Variants in PGBD5 observed in about 807,000 individuals in gnomAD.
The protein encoded by PGBD5 is piggyBac transposable element-derived protein 5.
In PGBD5, 14 loss-of-function variants were observed where a neutral mutation model predicts 47.9. That is an observed-to-expected ratio of 0.29 (90% CI 0.19 to 0.46). The LOEUF (loss-of-function observed/expected upper bound fraction) is 0.46, where lower values mean the gene tolerates loss of function less well. Ranked by LOEUF, PGBD5 falls within the 20% of genes least tolerant of loss-of-function variation. The probability of loss-of-function intolerance (pLI) is 1.00; values close to 1 mark genes in which losing one functional copy is unlikely to be tolerated. For synonymous variants in PGBD5, 316 were observed against 306.3 expected (o/e 1.03, Z -0.33); for missense variants, 635 against 716.0 (o/e 0.89, Z 1.29).
intron 1 of PGBD5, among the ~76,000 whole-genome samples, chr1:230,414,234 A>AC (rs1657470275): frequency 6.6e-6 from 1 of 152,146 alleles, no homozygotes; most frequent in Non-Finnish European, 1.5e-5. Flanking sequence ...CAGAGCTGGG[A>AC]CCAGTGTCTG....
chr1:230,400,466 G>A (rs1188423972), intron 1 of PGBD5, among the ~76,000 whole-genome samples: 1 of 152,014 alleles, frequency 6.6e-6, no homozygotes, highest in Non-Finnish European at 1.5e-5. Context: ...GTGCTTCATG[G>A]AGGCCAGAAT....
intron 1 of PGBD5, among the ~76,000 whole-genome samples, chr1:230,409,300 T>C (rs1425238197): frequency 1.3e-5 from 2 of 152,212 alleles, no homozygotes; most frequent in Non-Finnish European, 2.9e-5. Flanking sequence ...AACAGCCTGG[T>C]AGTTTCTCAA....
At chr1:230,343,815 C>A (rs1558194811) in intron 3 of PGBD5, among the ~76,000 whole-genome samples, 1 of 152,240 alleles carries the variant, frequency 6.6e-6, no homozygotes, top group Non-Finnish European at 1.5e-5. Flanking sequence ...CACTTTAGTG[C>A]ACCTTCTTTA....
chr1:230,422,750 G>A (rs986669634), intron 1 of PGBD5, among the ~76,000 whole-genome samples: 2 of 152,134 alleles, frequency 1.3e-5, no homozygotes, highest in Non-Finnish European at 2.9e-5. Flanking sequence ...CAGAAGGAAA[G>A]GGCTGGGAAG....
At chr1:230,351,140 T>G in intron 2 of PGBD5, 48 bp from the exon 3 acceptor site, 2 of 1,570,008 alleles carry the variant, frequency 1.3e-6, no homozygotes, top group Non-Finnish European at 8.6e-7. Flanking sequence ...CAGCATGAGC[T>G]TGAGGGCTCA....
At chr1:230,344,469 G>T (rs762813105) in intron 3 of PGBD5, among the ~76,000 whole-genome samples, 5 of 152,220 alleles carry the variant, frequency 3.3e-5, no homozygotes, top group Non-Finnish European at 5.9e-5. Context: ...AATGAATCCT[G>T]CATGTGAAGT....
rs1432066930 is a variant in PGBD5 at position 230,315,160 on chromosome 1, A to C, written c.*8265T>G. 1 of 152,208 alleles carries C rather than the reference A, an allele frequency of 6.6e-6. No individual in the cohort carries two copies. The highest frequency in any genetic ancestry group is 1.5e-5 in the Non-Finnish European group (1 of 68,086). The allele number at this position is 152,208 out of a possible 1,614,324, so 9.4% of individuals were successfully genotyped here. A position where few individuals can be genotyped will look rare whatever the true frequency, so the allele number is the denominator to read the frequency against. The stretch of plus-strand genomic sequence containing the variant: ...CCAGCATTGCCAGCCCACTGACCCC[A>C]GTAGGGTCACCCCTGCCCACTGAGA... On this transcript the variant is annotated 3_prime_UTR_variant, in exon 7 of 7. Coordinates refer to ENST00000391860, the MANE Select transcript of PGBD5 (RefSeq NM_001258311.2).
At chr1:230,372,809 T>C (rs1251121317) in intron 1 of PGBD5, among the ~76,000 whole-genome samples, 1 of 152,228 alleles carries the variant, frequency 6.6e-6, no homozygotes, top group Admixed American at 6.5e-5. Flanking sequence ...AGATCCTTGC[T>C]GTGGTCAACT....
intron 1 of PGBD5, among the ~76,000 whole-genome samples, chr1:230,390,723 A>G (rs1443454637): frequency 6.6e-6 from 1 of 152,048 alleles, no homozygotes; most frequent in East Asian, 1.9e-4. Context: ...TGTGTGTTTT[A>G]GCAGAGGCTC....
In PGBD5 at chr1:230,356,980, T is replaced by G; in HGVS notation, c.673A>C (p.Thr225Pro). The G allele has an allele frequency of 6.2e-7, 1 of 1,614,100 alleles. No homozygotes were observed. The highest frequency in any genetic ancestry group is 8.5e-7 in the Non-Finnish European group (1 of 1,180,020). ...TGGACCTTGTAGAGCCCGTGCGTGGTCTGGCTGGAGCGGAAGGCCACGACG... is the reference window on the plus strand; with the variant it reads ...TGGACCTTGTAGAGCCCGTGCGTGGGCTGGCTGGAGCGGAAGGCCACGACG... Reference protein sequence around the residue: ...FHVVAFRSSQTTHGLYKVQPF... With the variant: ...FHVVAFRSSQPTHGLYKVQPF... Residue 225 changes from threonine to proline, a missense_variant, in exon 2 of 7, where the codon ACC becomes CCC. By Grantham distance (38) the Thr-to-Pro change is conservative. Coordinates refer to ENST00000391860, the MANE Select transcript of PGBD5 (RefSeq NM_001258311.2).
Position 230,315,871 on chromosome 1 carries a change from C to T in PGBD5, c.*7554G>A, listed in dbSNP as rs1666929398. 6.8e-6 allele frequency: 1 copy of T among 147,254 alleles called. No homozygotes were observed. The highest frequency in any genetic ancestry group is 1.5e-5 in the Non-Finnish European group (1 of 66,474). 9.1% of individuals were successfully genotyped at this position (147,254 alleles called of 1,614,324 possible). A position where few individuals can be genotyped will look rare whatever the true frequency, so the allele number is the denominator to read the frequency against. On this transcript the variant is annotated 3_prime_UTR_variant, in exon 7 of 7. Coordinates refer to ENST00000391860, the MANE Select transcript of PGBD5 (RefSeq NM_001258311.2). Reference sequence around the variant, plus strand: ...ATCTGTATACATGTGTATATATATACATATATGGATACATACATATTTATG... The same window carrying T: ...ATCTGTATACATGTGTATATATATATATATATGGATACATACATATTTATG...
chr1:230,365,666 C>T (rs188955406), intron 1 of PGBD5, among the ~76,000 whole-genome samples: 8 of 152,300 alleles, frequency 5.3e-5, no homozygotes, highest in East Asian at 3.9e-4. Flanking sequence ...CATGGAGCAG[C>T]GGAAAATAAA....
intron 1 of PGBD5, among the ~76,000 whole-genome samples, chr1:230,367,198 C>T (rs547776276): frequency 1.2e-4 from 18 of 152,250 alleles, no homozygotes; most frequent in South Asian, 8.3e-4. Flanking sequence ...TCCTTCTACT[C>T]GGGCCGCTGT....
At position 230,323,537 on chromosome 1, in the gene PGBD5, A is replaced by G; in HGVS notation, c.1463T>C (p.Ile488Thr). ...AISIAINNAYILYKMSDAYHV... is the reference protein window; with the variant it reads ...AISIAINNAYTLYKMSDAYHV... ...GTAGGCGTCTGACATTTTGTACAGG[A>G]TGTAGGCATTGTTGATGGCGATGCT... Residue 488 changes from isoleucine (I) to threonine (T), a missense_variant, in exon 7 of 7, where the codon ATC becomes ACC. By Grantham distance (89) the Ile-to-Thr change is moderately conservative (BLOSUM62 -1). Transcript: ENST00000391860. This position sits in a 1 kb window ranked among gnomAD's most constrained non-coding sequence, Gnocchi z 4.1. 2.5e-6 allele frequency: 4 copies of G among 1,614,094 alleles called. No individual in the cohort carries two copies. Among genetic ancestry groups the G allele is most frequent in the Non-Finnish European group, 3.4e-6 (4 of 1,180,012 alleles).
At chr1:230,380,499 T>A (rs1365314729) in intron 1 of PGBD5, among the ~76,000 whole-genome samples, 1 of 152,162 alleles carries the variant, frequency 6.6e-6, no homozygotes, top group African/African-American at 2.4e-5. Context: ...ACTACCGTCT[T>A]GGGCAGAACC....
chr1:230,354,533 T>G (rs543466046), intron 2 of PGBD5, among the ~76,000 whole-genome samples: 164 of 152,322 alleles, frequency 1.1e-3, no homozygotes, highest in African/African-American at 3.7e-3. Flanking sequence ...TGTATTCAAT[T>G]TTTTGATAAC....
intron 1 of PGBD5, among the ~76,000 whole-genome samples, chr1:230,383,378 A>G (rs994475471): frequency 6.8e-6 from 1 of 146,304 alleles, no homozygotes; most frequent in Admixed American, 6.8e-5. Flanking sequence ...TTTTTTTTTT[A>G]ATTTTTGAGA....
chr1:230,337,032 C>A, intron 4 of PGBD5, 76 bp downstream of exon 4: 3 of 1,514,478 alleles, frequency 2.0e-6, no homozygotes, highest in Admixed American at 1.8e-5. Flanking sequence ...CGTATCTGCA[C>A]CCCCACCTGG....
intron 1 of PGBD5, among the ~76,000 whole-genome samples, chr1:230,369,082 A>G (rs868049596): frequency 2.2e-4 from 34 of 152,278 alleles, no homozygotes; most frequent in African/African-American, 7.7e-4. Context: ...CAGGCCAGAC[A>G]GAATGAGAGT....
Sources: allele counts gnomAD v4.1 joint callset (sites outside exome capture counted in the v4.1 genomes callset), GRCh38; gene constraint gnomAD v4.1.1; non-coding constraint Gnocchi (gnomAD v3.1); transcripts MANE v1.5; gene names NCBI Gene and HGNC (gene_info 2026-07-23, HGNC 2026-07-21).